Variants in DZIP3 observed in about 807,000 individuals in gnomAD.
DZIP3 encodes the protein E3 ubiquitin-protein ligase DZIP3.
DZIP3 carries 118 observed loss-of-function variants against 162.0 expected under a neutral mutation model. The observed-to-expected ratio is 0.73, with a 90% CI of 0.63 to 0.85. DZIP3 has a LOEUF of 0.85. DZIP3 is among the 40% of genes least tolerant of loss of function. DZIP3 has a pLI of 0.00. For synonymous variants in DZIP3, 438 were observed against 458.6 expected, an observed-to-expected ratio of 0.96 and a Z score of 0.57; for missense variants, 1,331 against 1,407.0, an observed-to-expected ratio of 0.95 and a Z score of 0.86.
intron 9 of DZIP3, among the ~76,000 whole-genome samples, chr3:108,633,481 T>G (rs891274183): frequency 4.6e-5 from 7 of 152,084 alleles, no homozygotes; most frequent in Admixed American, 3.3e-4. Context: ...ACTAAATAAG[T>G]GATCATTTTC....
intron 19 of DZIP3, among the ~76,000 whole-genome samples, chr3:108,659,172 G>T (rs989599379): frequency 1.1e-4 from 16 of 152,026 alleles, no homozygotes; most frequent in Non-Finnish European, 1.5e-4. Context: ...TAGCAAAGCC[G>T]GGCAGAGACA....
chr3:108,658,419 A>G (rs1426624693), intron 19 of DZIP3, among the ~76,000 whole-genome samples: 2 of 152,078 alleles, frequency 1.3e-5, no homozygotes, highest in East Asian at 1.9e-4. Flanking sequence ...GAAGGCAGAA[A>G]TAAAGATGTT....
chr3:108,641,697 A>G (rs1390530047), intron 12 of DZIP3, among the ~76,000 whole-genome samples: 1 of 152,192 alleles, frequency 6.6e-6, no homozygotes, highest in African/African-American at 2.4e-5. Flanking sequence ...CTTCCCCAAT[A>G]ACTTCATATT....
intron 21 of DZIP3, among the ~76,000 whole-genome samples, chr3:108,664,364 C>T (rs1943580389): frequency 6.6e-6 from 1 of 152,222 alleles, no homozygotes; most frequent in Non-Finnish European, 1.5e-5. Context: ...ATTCTCCTAC[C>T]TAACATAAGT....
intron 19 of DZIP3, among the ~76,000 whole-genome samples, chr3:108,658,818 A>G (rs1255955515): frequency 2.0e-4 from 30 of 150,234 alleles, no homozygotes; most frequent in South Asian, 2.1e-4. Flanking sequence ...TATCACCACC[A>G]ATCCCACAGA....
intron 2 of DZIP3, among the ~76,000 whole-genome samples, chr3:108,606,627 A>G (rs890469797): frequency 6.6e-6 from 1 of 152,210 alleles, no homozygotes; most frequent in Admixed American, 6.5e-5. Context: ...GCAAGGGAGG[A>G]TAAAAGGTCA....
At chr3:108,679,262 A>G (rs1944219282) in intron 26 of DZIP3, among the ~76,000 whole-genome samples, 2 of 152,146 alleles carry the variant, frequency 1.3e-5, no homozygotes, top group Admixed American at 1.3e-4. Context: ...GAACCAGACC[A>G]GTATAAGCCT....
Position 108,644,460 on chromosome 3 carries a change from T to C in DZIP3, c.1438T>C (p.Phe480Leu), listed in dbSNP as rs1200138916. 1.2e-6 allele frequency: 2 copies of C among 1,614,068 alleles called. No individual in the cohort carries two copies. The highest frequency in any genetic ancestry group is 2.2e-5 in the South Asian group (2 of 91,076). ...AGCTCTTATAAAACATTTAAATGTG[T>C]TCCCTGCACCCAAAAAAGGATGGAA... ...LLALIKHLNVFPAPKKGWNME... is the reference protein window; with the variant it reads ...LLALIKHLNVLPAPKKGWNME... The change falls in exon 14 of 33, where the codon TTC (phenylalanine) becomes CTC (leucine). Residue 480 changes from phenylalanine (F) to leucine (L), a missense_variant. Coordinates refer to ENST00000361582, the MANE Select transcript of DZIP3 (RefSeq NM_014648.4).
chr3:108,690,119 A>G (rs1487104991), intron 31 of DZIP3, among the ~76,000 whole-genome samples: 4 of 152,204 alleles, frequency 2.6e-5, no homozygotes, highest in African/African-American at 9.7e-5. Flanking sequence ...ACTCTTTGCC[A>G]TTGCCCACAA....
In DZIP3 at chr3:108,690,843, TTTGCTACCAGAAGAATTCC is replaced by T. The variant is rs777301058; in HGVS notation, c.3574_3592del (p.Leu1193ValfsTer16). 1 of 1,614,118 alleles carries T rather than the reference TTTGCTACCAGAAGAATTCC, an allele frequency of 6.2e-7. No individual in the cohort carries two copies. Among genetic ancestry groups the T allele is most frequent in the Admixed American group, 1.7e-5 (1 of 60,026 alleles). On this transcript the variant is annotated frameshift_variant, in exon 32 of 33. Transcript: ENST00000361582. LOFTEE classifies it high-confidence loss of function. ...CATGTCCAACGTGCAGACTCCACGTTTTGCTACCAGAAGAATTCCCTGGTCACCCCAGCCGGCAGTTGCC... is the reference window on the plus strand; with the variant it reads ...CATGTCCAACGTGCAGACTCCACGTTCTGGTCACCCCAGCCGGCAGTTGCC...
intron 21 of DZIP3, among the ~76,000 whole-genome samples, chr3:108,664,305 A>G (rs932427981): frequency 2.6e-5 from 4 of 152,210 alleles, no homozygotes; most frequent in African/African-American, 9.6e-5. Flanking sequence ...TACTGCAGCC[A>G]CACACCAGTG....
In DZIP3 at chr3:108,644,552, T is replaced by C; in HGVS notation, c.1530T>C (p.Asp510=). The C allele has an allele frequency of 6.2e-7, 1 of 1,614,116 alleles. No homozygotes were observed. Among genetic ancestry groups the C allele is most frequent in the Non-Finnish European group, 8.5e-7 (1 of 1,179,986 alleles). The part of the protein sequence containing the change: ...ADILRLCKYR[D]ILLSEILMNG... The stretch of plus-strand genomic sequence containing the variant: ...TCCTGAGACTGTGCAAATACAGGGA[T>C]ATCCTCCTTAGTGAGATTTTGATGA... Residue 510 remains aspartate, a synonymous_variant, in exon 14 of 33, where the codon GAT becomes GAC. Transcript: ENST00000361582.
At chr3:108,597,759 CG>C (rs993824558) in intron 1 of DZIP3, among the ~76,000 whole-genome samples, 7 of 152,024 alleles carry the variant, frequency 4.6e-5, no homozygotes, top group Non-Finnish European at 8.8e-5. Flanking sequence ...AATATTAAAA[CG>C]TTTTTTACTT....
intron 10 of DZIP3, 62 bp from the exon 11 acceptor site, chr3:108,636,554 T>C: frequency 9.4e-7 from 1 of 1,069,492 alleles, no homozygotes; most frequent in Admixed American, 2.6e-5. Context: ...TATTTAAATA[T>C]AATCAGATTT....
Position 108,589,964 on chromosome 3 carries a change from C to G in DZIP3, c.-73+125C>G, listed in dbSNP as rs535927617. On this transcript the variant is annotated intron_variant, in intron 1 of 32. Transcript: ENST00000361582. ...GGGGATGGTAGTTTCTCAGAGTCAACCTATTGGCATTATGTGGCAAATTAG... is the reference window on the plus strand; with the variant it reads ...GGGGATGGTAGTTTCTCAGAGTCAAGCTATTGGCATTATGTGGCAAATTAG... The G allele has an allele frequency of 2.0e-5, 3 of 152,392 alleles. No homozygotes were observed. The East Asian group carries it at 5.8e-4, about 29-fold the overall frequency. The allele number at this position is 152,392 out of a possible 1,614,324, so 9.4% of individuals were successfully genotyped here.
intron 19 of DZIP3, among the ~76,000 whole-genome samples, chr3:108,661,148 G>A (rs1943409869): frequency 6.6e-6 from 1 of 152,120 alleles, no homozygotes; most frequent in Non-Finnish European, 1.5e-5. Context: ...TATACCCAAA[G>A]GATTATAAAT....
At chr3:108,634,571 A>T (rs1430809753) in intron 9 of DZIP3, among the ~76,000 whole-genome samples, 1 of 152,126 alleles carries the variant, frequency 6.6e-6, no homozygotes, top group Non-Finnish European at 1.5e-5. Flanking sequence ...GGTAGGTAGC[A>T]TGTTCCTCTG....
In DZIP3 at chr3:108,669,803, C is replaced by G. The variant is rs1051663763; in HGVS notation, c.2492+54C>G. 3.6e-6 allele frequency: 5 copies of G among 1,387,044 alleles called. No homozygotes were observed. In the Admixed American group the frequency reaches 7.1e-5, roughly 20 times the overall value. The allele number at this position is 1,387,044 out of a possible 1,614,324, so 85.9% of individuals were successfully genotyped here. A position where few individuals can be genotyped will look rare whatever the true frequency, so the allele number is the denominator to read the frequency against. On this transcript the variant is annotated intron_variant, in intron 22 of 32. Transcript: ENST00000361582. ...ACTCTCTCTGAAACTGTATTTCACT[C>G]AACACTTTCTGGCTGGCATATTGAT...
chr3:108,693,730 T>G lies in DZIP3; in HGVS notation c.*377T>G, dbSNP rs1944784708. On this transcript the variant is annotated 3_prime_UTR_variant, in exon 33 of 33. Transcript: ENST00000361582. ...ATGCAAACTAAATCACTCGCTCAAT[T>G]GAATAATTGAGATCTTCTGTTCATT... The G allele has an allele frequency of 6.6e-6, 1 of 152,158 alleles. No individual in the cohort carries two copies. Among genetic ancestry groups the G allele is most frequent in the Non-Finnish European group, 1.5e-5 (1 of 68,018 alleles). The allele number at this position is 152,158 out of a possible 1,614,324, so 9.4% of individuals were successfully genotyped here.
Sources: allele counts gnomAD v4.1 joint callset (sites outside exome capture counted in the v4.1 genomes callset), GRCh38; gene constraint gnomAD v4.1.1; transcripts MANE v1.5; gene names NCBI Gene and HGNC (gene_info 2026-07-23, HGNC 2026-07-21).